Variants in SPATA3 observed in about 807,000 individuals in gnomAD.
SPATA3 encodes the protein spermatogenesis-associated protein 3.
Under a neutral mutation model 5.7 loss-of-function variants are expected in SPATA3, and 6 were observed. The observed-to-expected ratio is 1.06, with a 90% CI of 0.58 to 2.09. SPATA3 has a LOEUF of 2.09. Ranked by LOEUF, SPATA3 falls within the 30% of genes most tolerant of loss-of-function variation. The probability of loss-of-function intolerance (pLI) is 0.00; values close to 1 mark genes in which losing one functional copy is unlikely to be tolerated. For synonymous variants in SPATA3, 44 were observed against 48.4 expected, an observed-to-expected ratio of 0.91 and a Z score of 0.37; for missense variants, 155 against 130.4, an observed-to-expected ratio of 1.19 and a Z score of -0.92.
chr2:230,996,633 A>G lies in SPATA3; in HGVS notation c.791-3733A>G, dbSNP rs927582169. ...CTTGTAGGATAGTGATGCATGGTTA[A>G]CGTGTATCCTGGAGCTGTGCTGTAG... On this transcript the variant is annotated intron_variant, in intron 1 of 2. Transcript: ENST00000645363. The G allele has an allele frequency of 1.3e-5, 18 of 1,395,830 alleles. No individual in the cohort carries two copies. In the African/African-American group the frequency reaches 2.4e-4, roughly 19 times the overall value. The allele number at this position is 1,395,830 out of a possible 1,614,324, so 86.5% of individuals were successfully genotyped here.
At chr2:231,011,072 C>CAAAAAAAAAAAAAAAAAA (rs556496371), downstream of SPATA3, among the ~76,000 whole-genome samples, 19 of 79,820 alleles carry the variant, frequency 2.4e-4, no homozygotes, top group Non-Finnish European at 3.5e-4. Context: ...GACCCTGTCT[C>CAAAAAAAAAAAAAAAAAA]AAAAAAAAAA....
At chr2:230,996,641 C>T in intron 1 of SPATA3, 107 bp downstream of exon 1, 1 of 1,372,138 alleles carries the variant, frequency 7.3e-7, no homozygotes, top group Non-Finnish European at 9.8e-7. Context: ...TAACGTGTAT[C>T]CTGGAGCTGT....
At chr2:231,009,688 C>T (rs1194171440), downstream of SPATA3, among the ~76,000 whole-genome samples, 4 of 152,222 alleles carry the variant, frequency 2.6e-5, no homozygotes, top group Non-Finnish European at 2.9e-5. Flanking sequence ...TGCCGGAGTC[C>T]CTGTCTTCAT....
chr2:231,000,499 G>T, exon 2 of SPATA3: 2 of 1,547,724 alleles, frequency 1.3e-6, no homozygotes, highest in East Asian at 2.5e-5. Context: ...GGCAGATGGC[G>T]CCAGGGAGAG....
downstream of SPATA3, among the ~76,000 whole-genome samples, chr2:231,010,493 C>A (rs758091714): frequency 6.6e-6 from 1 of 152,144 alleles, no homozygotes; most frequent in Non-Finnish European, 1.5e-5. Flanking sequence ...TTGTTATGAC[C>A]AGTTCTTACA....
chr2:231,015,060 C>G (rs1459036032), intron 6 of SPATA3, among the ~76,000 whole-genome samples: 3 of 149,980 alleles, frequency 2.0e-5, no homozygotes, highest in African/African-American at 7.5e-5. Flanking sequence ...GGAGCACCAG[C>G]AAATCCTACA....
chr2:231,005,280 CCATCAT>C (rs1353135850), downstream of SPATA3, among the ~76,000 whole-genome samples: 3 of 70,178 alleles, frequency 4.3e-5, no homozygotes, highest in Admixed American at 1.4e-4. Context: ...ATCACCATCA[CCATCAT>C]CATCACCATC....
At chr2:231,000,901 G>T (rs1002679865) in intron 2 of SPATA3, among the ~76,000 whole-genome samples, 4 of 152,198 alleles carry the variant, frequency 2.6e-5, no homozygotes, top group Non-Finnish European at 5.9e-5. Context: ...AACACTGTTT[G>T]GCCATGCACC....
chr2:231,008,196 A>G (rs1308133841), downstream of SPATA3, among the ~76,000 whole-genome samples: 3 of 151,998 alleles, frequency 2.0e-5, no homozygotes, highest in Non-Finnish European at 4.4e-5. Flanking sequence ...AGGCATTTGT[A>G]ACCTGTTGGT....
chr2:231,001,016 T>C (rs1445228128), intron 2 of SPATA3, among the ~76,000 whole-genome samples: 1 of 152,196 alleles, frequency 6.6e-6, no homozygotes, highest in Non-Finnish European at 1.5e-5. Context: ...TTGTAACTCA[T>C]ATGCCTCCTC....
chr2:231,006,871 C>T (rs910039746), downstream of SPATA3: 2 of 152,194 alleles, frequency 1.3e-5, no homozygotes, highest in African/African-American at 4.8e-5. Context: ...CTTTCCCAGC[C>T]ATTTTGGGCG....
chr2:231,001,711 A>C (rs937811741), intron 2 of SPATA3, among the ~76,000 whole-genome samples: 3 of 152,216 alleles, frequency 2.0e-5, no homozygotes, highest in African/African-American at 7.2e-5. Context: ...CTTACTATGC[A>C]GAGGACATGG....
At chr2:231,008,416 A>G (rs56214683), downstream of SPATA3, among the ~76,000 whole-genome samples, 1,374 of 152,164 alleles carry the variant, frequency 9.0e-3, 12 homozygotes, top group Non-Finnish European at 0.014. Context: ...TGCCCAGGTG[A>G]CCTCCTATGA....
chr2:231,018,031 TCTC>T (rs1256171156), intron 6 of SPATA3, among the ~76,000 whole-genome samples: 3 of 151,984 alleles, frequency 2.0e-5, no homozygotes, highest in Non-Finnish European at 4.4e-5. Context: ...TTTAAGCCGT[TCTC>T]CTACCTCAGC....
At chr2:231,009,683 G>A (rs1428514712), downstream of SPATA3, among the ~76,000 whole-genome samples, 1 of 152,224 alleles carries the variant, frequency 6.6e-6, no homozygotes, top group East Asian at 1.9e-4. Context: ...CCACATGCCG[G>A]AGTCCCTGTC....
At chr2:231,013,934 C>T (rs993889143) in exon 6 of SPATA3, 4 of 150,486 alleles carry the variant, frequency 2.7e-5, no homozygotes, top group Admixed American at 6.6e-5. Flanking sequence ...ACTGAAGGAT[C>T]ATTTCTTGGT....
chr2:230,997,327 A>T (rs1574654151), intron 1 of SPATA3, among the ~76,000 whole-genome samples: 5 of 152,088 alleles, frequency 3.3e-5, no homozygotes, highest in Admixed American at 3.3e-4. Flanking sequence ...TGTGCCTTTC[A>T]CCTTCCACCA....
downstream of SPATA3, among the ~76,000 whole-genome samples, chr2:231,005,556 CCATCAT>C (rs1559198002): frequency 1.4e-5 from 1 of 69,822 alleles, no homozygotes; most frequent in Non-Finnish European, 3.2e-5. Flanking sequence ...ATCACCACCA[CCATCAT>C]CACCATCATC....
chr2:231,007,918 G>C (rs1055145511), downstream of SPATA3, among the ~76,000 whole-genome samples: 1 of 152,200 alleles, frequency 6.6e-6, no homozygotes, highest in East Asian at 1.9e-4. Context: ...GCCAAGACAG[G>C]AGGATGGCTT....
Sources: allele counts gnomAD v4.1 joint callset (sites outside exome capture counted in the v4.1 genomes callset), GRCh38; gene constraint gnomAD v4.1.1; transcripts MANE v1.5; gene names NCBI Gene and HGNC (gene_info 2026-07-23, HGNC 2026-07-21).